TTYH2: variants seen among roughly 807,000 people sequenced by gnomAD.
TTYH2 encodes the protein protein tweety homolog 2.
In TTYH2, 49 loss-of-function variants were observed where a neutral mutation model predicts 68.3. The observed-to-expected ratio is 0.72, with a 90% CI of 0.57 to 0.91. The LOEUF (loss-of-function observed/expected upper bound fraction) is 0.91, where lower values mean the gene tolerates loss of function less well. Among genes scored for constraint, TTYH2 ranks in the 40% least tolerant of loss-of-function variants. The pLI is 0.00. For missense variants in TTYH2, 631 were observed against 700.4 expected (o/e 0.90, Z 1.12); for synonymous variants, 272 against 300.8 (o/e 0.90, Z 0.99).
chr17:74,248,935 G>C, intron 6 of TTYH2, 76 bp from the exon 7 acceptor site: 3 of 1,604,214 alleles, frequency 1.9e-6, no homozygotes, highest in Non-Finnish European at 2.6e-6. Flanking sequence ...GGGGTGATGG[G>C]CTCCCGGCTC....
chr17:74,230,859 C>T, intron 2 of TTYH2, 29 bp from the exon 3 acceptor site: 2 of 1,611,010 alleles, frequency 1.2e-6, no homozygotes, highest in Non-Finnish European at 1.7e-6. Context: ...TGTATCACCT[C>T]TAACCTCTGT....
chr17:74,238,858 ACT>A (rs1170237331), intron 4 of TTYH2, among the ~76,000 whole-genome samples: 3 of 147,204 alleles, frequency 2.0e-5, no homozygotes, highest in African/African-American at 7.6e-5. Context: ...CAAGAGGGAA[ACT>A]CCATCTCAAA....
chr17:74,246,518 T>G (rs924598145), intron 6 of TTYH2, among the ~76,000 whole-genome samples: 4 of 151,562 alleles, frequency 2.6e-5, no homozygotes, highest in Non-Finnish European at 5.9e-5. Context: ...GTCACGGGGG[T>G]CCCTTCAGAC....
At chr17:74,250,397 C>T (rs779777186) in intron 10 of TTYH2, 40 bp downstream of exon 10, 2 of 1,546,744 alleles carry the variant, frequency 1.3e-6, no homozygotes, top group South Asian at 2.3e-5. Flanking sequence ...AGTGTGAGGG[C>T]ACCCAGCAGG....
chr17:74,219,387 C>CAAAA lies in TTYH2; in HGVS notation c.130-3085_130-3082dup, dbSNP rs1031171600. ...CTGGCGACAGAGCAAGACTCCGTGT[C>CAAAA]AAAAAAAAAAAAAAAAGAATAACTT... On this transcript the variant is annotated intron_variant, in intron 1 of 13. Coordinates refer to ENST00000269346, the MANE Select transcript of TTYH2 (RefSeq NM_032646.6). Among the ~76,000 whole-genome samples the CAAAA allele has an allele frequency of 3.0e-3, 266 of 88,480 alleles. 18 individuals carry two copies. Among genetic ancestry groups the CAAAA allele is most frequent in the African/African-American group, 0.014 (244 of 16,946 alleles). The allele number at this position is 88,480 out of a possible 152,430, so 58.0% of individuals were successfully genotyped here. A position where few individuals can be genotyped will look rare whatever the true frequency, so the allele number is the denominator to read the frequency against.
At chr17:74,227,262 C>A (rs1211676494) in intron 2 of TTYH2, among the ~76,000 whole-genome samples, 1 of 152,086 alleles carries the variant, frequency 6.6e-6, no homozygotes, top group East Asian at 1.9e-4. Context: ...GGCTTGAGCC[C>A]CAAGGCGATT....
intron 10 of TTYH2, among the ~76,000 whole-genome samples, chr17:74,251,149 G>A (rs769406276): frequency 2.6e-5 from 4 of 151,170 alleles, no homozygotes; most frequent in Admixed American, 2.0e-4. Context: ...TGTGATGTGT[G>A]TATGTATGTG....
At chr17:74,252,774 G>A (rs1050082158) in intron 11 of TTYH2, among the ~76,000 whole-genome samples, 1 of 152,158 alleles carries the variant, frequency 6.6e-6, no homozygotes, top group Non-Finnish European at 1.5e-5. Flanking sequence ...TCCCCTTGAG[G>A]AGATGGGCAG....
rs1216533687 is a variant in TTYH2 at position 74,215,687 on chromosome 17, G to A, written c.129+1971G>A. 6.5e-7 allele frequency: 1 copy of A among 1,534,846 alleles called. No homozygotes were observed. The highest frequency in any genetic ancestry group is 8.7e-7 in the Non-Finnish European group (1 of 1,146,904). ...CAGGACCGGAAGTCTGGCTCTGGGTGTTATTTAAGGTGGCTCCTGTTTTTG... is the reference window on the plus strand; with the variant it reads ...CAGGACCGGAAGTCTGGCTCTGGGTATTATTTAAGGTGGCTCCTGTTTTTG... On this transcript the variant is annotated intron_variant, in intron 1 of 13. Transcript: ENST00000269346. This position sits in a 1 kb window ranked among gnomAD's most constrained non-coding sequence, Gnocchi z 4.3.
In TTYH2 at chr17:74,237,299, C is replaced by T. The variant is rs776159063; in HGVS notation, c.420C>T (p.Ser140=). 1.3e-5 allele frequency: 21 copies of T among 1,613,852 alleles called. No homozygotes were observed. The highest frequency in any genetic ancestry group is 5.5e-5 in the South Asian group (5 of 91,054). The change falls in exon 4 of 14, where the codon TCC becomes TCT. Residue 140 remains serine, a synonymous_variant. Transcript: ENST00000269346. The part of the protein sequence containing the change: ...HTFSGIDALV[S]GTTQKMKVDL... ...TGCCCCCTGCTCCTCCCTAGGTTTC[C>T]GGAACTACCCAGAAGATGAAGGTGG... is the stretch of plus-strand genomic sequence containing the variant.
At chr17:74,237,252 G>A in intron 3 of TTYH2, 42 bp from the exon 4 acceptor site, 1 of 1,596,564 alleles carries the variant, frequency 6.3e-7, no homozygotes, top group African/African-American at 1.3e-5. Context: ...ATGAGAATCA[G>A]AAGCTCTACC....
chr17:74,249,139 C>T, intron 7 of TTYH2, 59 bp downstream of exon 7: 1 of 1,609,344 alleles, frequency 6.2e-7, no homozygotes. Context: ...CTCTGTGCCC[C>T]TACTTACCTC....
chr17:74,219,962 A>ATTT (rs535589474), intron 1 of TTYH2, among the ~76,000 whole-genome samples: 2 of 135,800 alleles, frequency 1.5e-5, no homozygotes, highest in African/African-American at 5.4e-5. Context: ...ATGATTTGCA[A>ATTT]TTTTTTTTTT....
intron 2 of TTYH2, among the ~76,000 whole-genome samples, chr17:74,227,761 GT>G (rs11322399): frequency 0.1 from 14,139 of 136,704 alleles, 2,097 homozygotes; most frequent in African/African-American, 0.34. Context: ...TTTTTTTTTT[GT>G]TTTTTTTTTA....
At chr17:74,223,897 G>T (rs1286508352) in intron 2 of TTYH2, among the ~76,000 whole-genome samples, 1 of 152,194 alleles carries the variant, frequency 6.6e-6, no homozygotes, top group Non-Finnish European at 1.5e-5. Context: ...TGCCTGTAGT[G>T]GGAGGCTCAC....
chr17:74,252,211 G>A, intron 10 of TTYH2, 23 bp from the exon 11 acceptor site: 1 of 1,610,726 alleles, frequency 6.2e-7, no homozygotes, highest in Non-Finnish European at 8.5e-7. Flanking sequence ...TTCACTAGCT[G>A]CATGTCCCTC....
rs2050231426 is a variant in TTYH2 at position 74,217,411 on chromosome 17, G to A, written c.129+3695G>A. ...GATTCGCCAAAGTACAAAGTGGAGG[G>A]TACACAGTTGGGGACTGGACCGGAA... is the stretch of plus-strand genomic sequence containing the variant. On this transcript the variant is annotated intron_variant, in intron 1 of 13. Transcript: ENST00000269346. This position sits in a 1 kb window ranked among gnomAD's most constrained non-coding sequence, Gnocchi z 4.0. Among the ~76,000 whole-genome samples, 1 of 152,172 alleles carries A rather than the reference G, an allele frequency of 6.6e-6. No homozygotes were observed. The highest frequency in any genetic ancestry group is 2.4e-5 in the African/African-American group (1 of 41,448).
chr17:74,240,405 C>T (rs2050487097), intron 4 of TTYH2, among the ~76,000 whole-genome samples: 1 of 151,600 alleles, frequency 6.6e-6, no homozygotes, highest in African/African-American at 2.4e-5. Flanking sequence ...CGCCACTGCA[C>T]TCCAGTCAGG....
chr17:74,249,125 C>G (rs1323496596), intron 7 of TTYH2, 45 bp downstream of exon 7: 1 of 1,611,124 alleles, frequency 6.2e-7, no homozygotes, highest in Non-Finnish European at 8.5e-7. Flanking sequence ...CATAGGTGGC[C>G]GGACTCTGTG....
Sources: allele counts gnomAD v4.1 joint callset (sites outside exome capture counted in the v4.1 genomes callset), GRCh38; gene constraint gnomAD v4.1.1; non-coding constraint Gnocchi (gnomAD v3.1); transcripts MANE v1.5; gene names NCBI Gene and HGNC (gene_info 2026-07-23, HGNC 2026-07-21).